KIFAP3: variants seen among roughly 807,000 people sequenced by gnomAD.
The protein encoded by KIFAP3 is kinesin associated protein 3, also known as kinesin-associated protein 3.
Under a neutral mutation model 106.5 loss-of-function variants are expected in KIFAP3, and 68 were observed. The observed-to-expected ratio is 0.64, with a 90% CI of 0.53 to 0.78. The LOEUF is 0.78. Ranked by LOEUF, KIFAP3 falls within the 30% of genes least tolerant of loss-of-function variation. The probability of loss-of-function intolerance (pLI) is 0.00; values close to 1 mark genes in which losing one functional copy is unlikely to be tolerated. For synonymous variants in KIFAP3, 320 were observed against 311.5 expected (o/e 1.03, Z -0.29); for missense variants, 780 against 941.8 (o/e 0.83, Z 2.25).
intron 19 of KIFAP3, 91 bp from the exon 20 acceptor site, chr1:169,921,872 T>C: frequency 2.2e-6 from 2 of 914,112 alleles, no homozygotes; most frequent in East Asian, 5.3e-5. Context: ...ACCACCAAGA[T>C]TCTCTTCCTA....
intron 19 of KIFAP3, among the ~76,000 whole-genome samples, chr1:169,947,284 AT>A (rs1304291801): frequency 6.6e-6 from 1 of 151,958 alleles, no homozygotes; most frequent in African/African-American, 2.4e-5. Flanking sequence ...AGATCTGAGT[AT>A]TTTTAGATCA....
chr1:169,977,641 G>A (rs372238158), intron 16 of KIFAP3, among the ~76,000 whole-genome samples: 13 of 152,118 alleles, frequency 8.5e-5, no homozygotes, highest in African/African-American at 2.7e-4. Flanking sequence ...AGGTATCCAA[G>A]AGGCAGTTAG....
At chr1:170,046,331 C>A (rs1245593205) in intron 3 of KIFAP3, among the ~76,000 whole-genome samples, 2 of 146,918 alleles carry the variant, frequency 1.4e-5, no homozygotes. Context: ...AAATGATAAA[C>A]AAATATAAAA....
At chr1:170,078,387 A>G (rs1013579992), upstream of KIFAP3, among the ~76,000 whole-genome samples, 10 of 152,158 alleles carry the variant, frequency 6.6e-5, no homozygotes, top group Admixed American at 2.0e-4. Context: ...GTCCATTTTT[A>G]ATTTATATTT....
At chr1:169,984,137 T>G (rs1423169264) in intron 12 of KIFAP3, among the ~76,000 whole-genome samples, 5 of 151,798 alleles carry the variant, frequency 3.3e-5, no homozygotes, top group Non-Finnish European at 7.4e-5. Flanking sequence ...TCCTTTTTGC[T>G]CATTTGTGCT....
rs1345863659 is a variant in KIFAP3 at position 170,032,433 on chromosome 1, T to C, written c.743-449A>G. Among the ~76,000 whole-genome samples, 12 of 151,748 alleles carry C rather than the reference T, an allele frequency of 7.9e-5. No homozygotes were observed. In the East Asian group the frequency reaches 1.7e-3, roughly 22 times the overall value. On this transcript the variant is annotated intron_variant, in intron 7 of 19. Transcript: ENST00000361580. ...AGATGCCCAGAATATTCAAAGGATA[T>C]AGATTAAATCTAAAGCTTTTGTAGC... is the stretch of plus-strand genomic sequence containing the variant.
chr1:170,009,254 T>TA (rs1485659091), intron 10 of KIFAP3, among the ~76,000 whole-genome samples: 2 of 152,004 alleles, frequency 1.3e-5, no homozygotes, highest in East Asian at 3.8e-4. Flanking sequence ...ACACTATAAT[T>TA]AAAAAAACTT....
chr1:169,964,802 C>T (rs1264333471), intron 17 of KIFAP3, among the ~76,000 whole-genome samples: 1 of 152,102 alleles, frequency 6.6e-6, no homozygotes, highest in African/African-American at 2.4e-5. Flanking sequence ...AGTAATTTAG[C>T]CTAAATGCTA....
intron 12 of KIFAP3, among the ~76,000 whole-genome samples, chr1:169,983,762 CAG>C (rs1666650694): frequency 1.3e-5 from 2 of 151,858 alleles, no homozygotes; most frequent in East Asian, 3.9e-4. Flanking sequence ...ACTTTTGACT[CAG>C]AAAAATTGTA....
intron 16 of KIFAP3, among the ~76,000 whole-genome samples, chr1:169,977,563 A>C (rs1666288804): frequency 6.6e-6 from 1 of 152,160 alleles, no homozygotes; most frequent in Non-Finnish European, 1.5e-5. Flanking sequence ...AAGGTAATTA[A>C]AATTAGGGCT....
chr1:169,939,784 A>G (rs1467701835), intron 19 of KIFAP3, among the ~76,000 whole-genome samples: 1 of 152,220 alleles, frequency 6.6e-6, no homozygotes. Flanking sequence ...AGGGAGTTTC[A>G]AAAAGCAGGG....
chr1:169,945,984 G>C (rs1183693086), intron 19 of KIFAP3, among the ~76,000 whole-genome samples: 3 of 152,036 alleles, frequency 2.0e-5, no homozygotes, highest in African/African-American at 7.2e-5. Context: ...GAATTTCCTT[G>C]CCTTTTCTAT....
intron 8 of KIFAP3, among the ~76,000 whole-genome samples, chr1:170,028,404 C>T (rs1220063753): frequency 1.3e-5 from 2 of 152,038 alleles, no homozygotes; most frequent in African/African-American, 4.8e-5. Context: ...ATGGTGCGAT[C>T]TTGGCTCATT....
Position 170,051,069 on chromosome 1 carries a change from C to T in KIFAP3, c.165-4203G>A, listed in dbSNP as rs187885996. On this transcript the variant is annotated intron_variant, in intron 2 of 19. Coordinates refer to ENST00000361580, the MANE Select transcript of KIFAP3 (RefSeq NM_014970.4). Reference sequence around the variant, plus strand: ...GGCAAATTGGATAAAGAGTCAAGACCCATTGGTGTGCTGTATTCAGGAGAC... The same window carrying T: ...GGCAAATTGGATAAAGAGTCAAGACTCATTGGTGTGCTGTATTCAGGAGAC... Among the ~76,000 whole-genome samples, 14 of 151,708 alleles carry T rather than the reference C, an allele frequency of 9.2e-5. No individual in the cohort carries two copies. The East Asian group carries it at 2.7e-3, about 29-fold the overall frequency.
intron 15 of KIFAP3, among the ~76,000 whole-genome samples, chr1:169,978,390 T>C (rs905582016): frequency 1.3e-5 from 2 of 152,018 alleles, no homozygotes; most frequent in Non-Finnish European, 2.9e-5. Context: ...TTTAAAGAAT[T>C]CTAATTTGTA....
intron 16 of KIFAP3, among the ~76,000 whole-genome samples, chr1:169,974,975 G>C (rs1162786933): frequency 6.6e-6 from 1 of 151,902 alleles, no homozygotes; most frequent in Non-Finnish European, 1.5e-5. Context: ...TCTGCATATG[G>C]CCTATGCTCA....
intron 10 of KIFAP3, among the ~76,000 whole-genome samples, chr1:170,012,166 A>C (rs1348025457): frequency 2.6e-5 from 4 of 152,158 alleles, no homozygotes; most frequent in South Asian, 4.1e-4. Flanking sequence ...ATAGAAAAGA[A>C]AAATTGCTGC....
chr1:170,039,016 G>A (rs1391520701), intron 4 of KIFAP3, among the ~76,000 whole-genome samples: 1 of 152,206 alleles, frequency 6.6e-6, no homozygotes, highest in Non-Finnish European at 1.5e-5. Flanking sequence ...CCGGGAGGCG[G>A]AGGTTGTGGT....
At chr1:169,932,438 T>C (rs1430481192) in intron 19 of KIFAP3, among the ~76,000 whole-genome samples, 5 of 152,152 alleles carry the variant, frequency 3.3e-5, no homozygotes, top group Non-Finnish European at 7.4e-5. Context: ...GTAGTTTAAG[T>C]GCCAACCAGA....
Sources: allele counts gnomAD v4.1 joint callset (sites outside exome capture counted in the v4.1 genomes callset), GRCh38; gene constraint gnomAD v4.1.1; transcripts MANE v1.5; gene names NCBI Gene and HGNC (gene_info 2026-07-23, HGNC 2026-07-21).